Variants in ANKDD1A observed in about 807,000 individuals in gnomAD.
ANKDD1A encodes ankyrin repeat and death domain-containing protein 1A.
ANKDD1A carries 59 observed loss-of-function variants against 63.5 expected under a neutral mutation model. That is an observed-to-expected ratio of 0.93 (90% CI 0.75 to 1.15). The LOEUF (loss-of-function observed/expected upper bound fraction) is 1.15. ANKDD1A is among the 50% of genes most tolerant of loss of function. The pLI is 0.00. For missense variants in ANKDD1A, 632 were observed against 656.4 expected (o/e 0.96, Z 0.41); for synonymous variants, 266 against 263.9 (o/e 1.01, Z -0.08).
At chr15:64,951,720 C>CATT (rs1276132353) in intron 14 of ANKDD1A, among the ~76,000 whole-genome samples, 3 of 136,250 alleles carry the variant, frequency 2.2e-5, no homozygotes, top group South Asian at 4.6e-4. Flanking sequence ...TCTTTTTCTT[C>CATT]CCTTTTCTTC....
intron 14 of ANKDD1A, among the ~76,000 whole-genome samples, chr15:64,954,756 T>G (rs1053833581): frequency 1.8e-4 from 27 of 147,296 alleles, no homozygotes; most frequent in Non-Finnish European, 3.3e-4. Context: ...TCTTCTTTCT[T>G]TTTGTTCTTC....
intron 14 of ANKDD1A, chr15:64,951,019 G>T: frequency 7.9e-7 from 1 of 1,271,726 alleles, no homozygotes; most frequent in Non-Finnish European, 1.0e-6. Flanking sequence ...CATGTAACCG[G>T]AGGGGCCAGA....
intron 13 of ANKDD1A, among the ~76,000 whole-genome samples, 194 bp downstream of exon 13, chr15:64,947,787 T>C (rs2085235961): frequency 6.6e-6 from 1 of 152,188 alleles, no homozygotes; most frequent in African/African-American, 2.4e-5. Flanking sequence ...CCTCTCCCCA[T>C]TGATTGTGAA....
intron 4 of ANKDD1A, 108 bp downstream of exon 4, chr15:64,922,127 C>T: frequency 1.2e-6 from 1 of 853,114 alleles, no homozygotes; most frequent in Non-Finnish European, 1.8e-6. Context: ...CAGCCCCCAA[C>T]CTGCCTCTGC....
chr15:64,927,524 C>A (rs949337065), intron 6 of ANKDD1A, among the ~76,000 whole-genome samples: 1 of 151,826 alleles, frequency 6.6e-6, no homozygotes, highest in Non-Finnish European at 1.5e-5. Flanking sequence ...GGACGGGGAC[C>A]AGAGGGTCTA....
intron 4 of ANKDD1A, 134 bp downstream of exon 4, chr15:64,922,153 C>A: frequency 1.4e-6 from 1 of 691,052 alleles, no homozygotes; most frequent in Non-Finnish European, 2.4e-6. Context: ...CCTCTTTCAT[C>A]TGATCTCCCC....
At chr15:64,925,223 G>C (rs570698609) in intron 4 of ANKDD1A, among the ~76,000 whole-genome samples, 1 of 98,974 alleles carries the variant, frequency 1.0e-5, no homozygotes, top group African/African-American at 4.2e-5. Context: ...GTGAGACTCC[G>C]ACTCAAAAAA....
chr15:64,950,214 C>A lies in ANKDD1A; in HGVS notation c.1483+242C>A, dbSNP rs1366375691. 4.1e-6 allele frequency: 4 copies of A among 985,294 alleles called. No individual in the cohort carries two copies. The African/African-American group carries it at 7.0e-5, about 17-fold the overall frequency. The allele number at this position is 985,294 out of a possible 1,614,324, so 61.0% of individuals were successfully genotyped here. A position where few individuals can be genotyped will look rare whatever the true frequency, so the allele number is the denominator to read the frequency against. On this transcript the variant is annotated intron_variant, in intron 14 of 14. Transcript: ENST00000319580. ...ACTGAACCCTGTGACCTTCACAGCCCCGGAGCCAGTGATGCTGTCCATAAT... is the reference window on the plus strand; with the variant it reads ...ACTGAACCCTGTGACCTTCACAGCCACGGAGCCAGTGATGCTGTCCATAAT...
At chr15:64,954,348 T>TCC (rs2085381919) in intron 14 of ANKDD1A, among the ~76,000 whole-genome samples, 2 of 42,756 alleles carry the variant, frequency 4.7e-5, no homozygotes, top group Non-Finnish European at 1.0e-4. Flanking sequence ...CCTCCTCTCC[T>TCC]TCTTCTCTTC....
intron 10 of ANKDD1A, 141 bp downstream of exon 10, chr15:64,942,706 AT>A: frequency 3.2e-6 from 2 of 629,178 alleles, no homozygotes; most frequent in Non-Finnish European, 5.3e-6. Flanking sequence ...TTAGAAAGTA[AT>A]CTAAATAGTT....
intron 9 of ANKDD1A, among the ~76,000 whole-genome samples, chr15:64,936,764 A>G (rs56373690): frequency 0.01 from 1,536 of 152,220 alleles, 14 homozygotes; most frequent in Non-Finnish European, 0.014. Flanking sequence ...GGATCACTTG[A>G]GCGGAGGAGG....
chr15:64,950,168 G>A, intron 14 of ANKDD1A, 196 bp downstream of exon 14: 1 of 985,376 alleles, frequency 1.0e-6, no homozygotes, highest in Non-Finnish European at 1.2e-6. Flanking sequence ...CCCCATCTGT[G>A]CAATGAGGGT....
At chr15:64,922,812 G>A (rs1282077716) in intron 4 of ANKDD1A, among the ~76,000 whole-genome samples, 1 of 152,056 alleles carries the variant, frequency 6.6e-6, no homozygotes. Context: ...CGGCTAATTA[G>A]CATTTTTTCC....
intron 14 of ANKDD1A, among the ~76,000 whole-genome samples, chr15:64,955,033 C>CT (rs2085405472): frequency 3.8e-5 from 1 of 26,018 alleles, no homozygotes; most frequent in Non-Finnish European, 9.6e-5. Flanking sequence ...TCTTCCTCTT[C>CT]TTCTTCTTTC....
chr15:64,918,563 A>AC (rs1184305694), intron 3 of ANKDD1A, among the ~76,000 whole-genome samples: 3 of 151,940 alleles, frequency 2.0e-5, no homozygotes, highest in Non-Finnish European at 2.9e-5. Context: ...ACCCACAGAG[A>AC]CCCCCACTAT....
intron 8 of ANKDD1A, chr15:64,932,437 C>T (rs1259685199): frequency 6.6e-6 from 1 of 152,020 alleles, no homozygotes; most frequent in African/African-American, 2.4e-5. Context: ...GAGGTGTGAC[C>T]CTGGATGAAC....
chr15:64,939,140 A>AGG (rs2085160135), intron 9 of ANKDD1A, among the ~76,000 whole-genome samples: 1 of 151,558 alleles, frequency 6.6e-6, no homozygotes, highest in Non-Finnish European at 1.5e-5. Context: ...TATATTCTAA[A>AGG]ATAAAAGTTT....
intron 9 of ANKDD1A, among the ~76,000 whole-genome samples, chr15:64,935,847 G>GA (rs577374491): frequency 3.5e-4 from 51 of 147,230 alleles, no homozygotes; most frequent in African/African-American, 1.2e-3. Context: ...GTCTCAAAAA[G>GA]AAAAAAAAAA....
intron 9 of ANKDD1A, among the ~76,000 whole-genome samples, chr15:64,937,555 C>T (rs2085144302): frequency 6.6e-6 from 1 of 151,910 alleles, no homozygotes; most frequent in Non-Finnish European, 1.5e-5. Context: ...AGTGAAACCC[C>T]GTCTCTACTA....
Sources: allele counts gnomAD v4.1 joint callset (sites outside exome capture counted in the v4.1 genomes callset), GRCh38; gene constraint gnomAD v4.1.1; transcripts MANE v1.5; gene names NCBI Gene and HGNC (gene_info 2026-07-23, HGNC 2026-07-21).